Variants in IQGAP2 observed in about 807,000 individuals in gnomAD.
IQGAP2 encodes the protein ras GTPase-activating-like protein IQGAP2.
In IQGAP2, 173 loss-of-function variants were observed where a neutral mutation model predicts 201.3. The observed-to-expected ratio is 0.86, with a 90% CI of 0.76 to 0.98. The LOEUF is 0.98. Ranked by LOEUF, IQGAP2 falls within the 50% of genes least tolerant of loss-of-function variation. IQGAP2 has a pLI of 0.00. For synonymous variants in IQGAP2, 675 were observed against 673.9 expected, an observed-to-expected ratio of 1.00 and a Z score of -0.03; for missense variants, 1,687 against 1,864.8, an observed-to-expected ratio of 0.90 and a Z score of 1.76.
intron 1 of IQGAP2, among the ~76,000 whole-genome samples, chr5:76,429,346 G>A (rs1281911637): frequency 6.6e-6 from 1 of 151,592 alleles, no homozygotes; most frequent in Non-Finnish European, 1.5e-5. Flanking sequence ...GCTGAGGTGG[G>A]CAGATCACGA....
intron 1 of IQGAP2, among the ~76,000 whole-genome samples, chr5:76,440,738 T>C (rs947742690): frequency 2.6e-5 from 4 of 151,948 alleles, no homozygotes; most frequent in African/African-American, 9.7e-5. Context: ...GCCTAGTAAG[T>C]AGTTAAGAGT....
chr5:76,448,975 C>T (rs976100333), intron 1 of IQGAP2, among the ~76,000 whole-genome samples: 1 of 152,146 alleles, frequency 6.6e-6, no homozygotes, highest in African/African-American at 2.4e-5. Flanking sequence ...TTTGAGCTGT[C>T]ACCTGATCTT....
rs888760582 is a variant in IQGAP2 at position 76,652,907 on chromosome 5, C to T, written c.2178+74C>T. On this transcript the variant is annotated intron_variant, in intron 18 of 35. Transcript: ENST00000274364. ...CTCATTTCATGTTTAATCTGAAAGA[C>T]AGCTATAGAAAGGGAGGGTACATGT... The T allele has an allele frequency of 6.0e-6, 6 of 1,000,062 alleles. No individual in the cohort carries two copies. In the African/African-American group the frequency reaches 9.6e-5, roughly 16 times the overall value. The allele number at this position is 1,000,062 out of a possible 1,614,324, so 61.9% of individuals were successfully genotyped here.
chr5:76,471,231 T>C (rs954982220), intron 2 of IQGAP2, among the ~76,000 whole-genome samples: 2 of 152,140 alleles, frequency 1.3e-5, no homozygotes, highest in Non-Finnish European at 2.9e-5. Context: ...TAAATAGTTA[T>C]GAATGGGACT....
intron 2 of IQGAP2, among the ~76,000 whole-genome samples, chr5:76,475,821 T>C (rs1011073870): frequency 1.3e-5 from 2 of 152,158 alleles, no homozygotes; most frequent in African/African-American, 2.4e-5. Context: ...ATCGGCCTTT[T>C]GTGAGTTGAT....
At chr5:76,657,158 A>G (rs1423779562) in intron 20 of IQGAP2, among the ~76,000 whole-genome samples, 1 of 152,224 alleles carries the variant, frequency 6.6e-6, no homozygotes. Flanking sequence ...CTAAAATACT[A>G]ATTTAGTTTT....
intron 30 of IQGAP2, among the ~76,000 whole-genome samples, chr5:76,691,153 G>A (rs1746227383): frequency 6.6e-6 from 1 of 152,204 alleles, no homozygotes; most frequent in African/African-American, 2.4e-5. Context: ...TGGGTTCCCT[G>A]TCATGGGACT....
At chr5:76,488,971 C>G (rs1195320975) in intron 2 of IQGAP2, among the ~76,000 whole-genome samples, 2 of 152,290 alleles carry the variant, frequency 1.3e-5, no homozygotes, top group East Asian at 1.9e-4. Context: ...TGTTGTTCCT[C>G]CCTTCAGGTA....
intron 1 of IQGAP2, among the ~76,000 whole-genome samples, chr5:76,424,912 A>G (rs1395663346): frequency 6.6e-6 from 1 of 152,216 alleles, no homozygotes; most frequent in African/African-American, 2.4e-5. Flanking sequence ...AGAAGGAGGA[A>G]GCATTCTGTG....
At chr5:76,702,826 T>C (rs962587839) in intron 35 of IQGAP2, among the ~76,000 whole-genome samples, 8 of 151,798 alleles carry the variant, frequency 5.3e-5, no homozygotes, top group African/African-American at 1.9e-4. Flanking sequence ...CTAAGCCATG[T>C]TTCCATTTTA....
rs541124886 is a variant in IQGAP2 at position 76,601,551 on chromosome 5, C to T, written c.1232+579C>T. On this transcript the variant is annotated intron_variant, in intron 11 of 35. Transcript: ENST00000274364. ...ATAGCATTGTTATAAAACACTATAG[C>T]GGATCTTGAGAGAAAATCAAATGGC... is the stretch of plus-strand genomic sequence containing the variant. 7.9e-5 allele frequency among the ~76,000 whole-genome samples: 12 copies of T among 152,276 alleles called. No homozygotes were observed. The South Asian group carries it at 2.1e-3, about 26-fold the overall frequency.
At chr5:76,579,706 C>G (rs190534282) in intron 5 of IQGAP2, among the ~76,000 whole-genome samples, 1 of 151,950 alleles carries the variant, frequency 6.6e-6, no homozygotes, top group Non-Finnish European at 1.5e-5. Flanking sequence ...TTTTCATCCC[C>G]TGGGAGACAA....
chr5:76,478,188 C>T (rs1561401266), intron 2 of IQGAP2, among the ~76,000 whole-genome samples: 1 of 152,106 alleles, frequency 6.6e-6, no homozygotes, highest in East Asian at 1.9e-4. Context: ...TCACCTGAGG[C>T]CAAGAGTTTG....
At chr5:76,642,057 T>C (rs1411647696) in intron 17 of IQGAP2, among the ~76,000 whole-genome samples, 1 of 152,204 alleles carries the variant, frequency 6.6e-6, no homozygotes, top group Non-Finnish European at 1.5e-5. Flanking sequence ...AAGAAATTTC[T>C]ACTATAAATC....
Position 76,606,403 on chromosome 5 carries a change from C to T in IQGAP2, c.1357+100C>T, listed in dbSNP as rs1747808682. The stretch of plus-strand genomic sequence containing the variant: ...GGGCTTTAAGTTTTTGCTCAAGGAA[C>T]TTTGTGAGAGCAAACTCCGCTAATA... On this transcript the variant is annotated intron_variant, in intron 12 of 35. Transcript: ENST00000274364. The T allele has an allele frequency of 2.8e-5, 29 of 1,049,352 alleles. 1 individual carries two copies. The South Asian group carries it at 5.9e-4, about 21-fold the overall frequency. The allele number at this position is 1,049,352 out of a possible 1,614,324, so 65.0% of individuals were successfully genotyped here. A position where few individuals can be genotyped will look rare whatever the true frequency, so the allele number is the denominator to read the frequency against.
At chr5:76,671,315 A>G (rs145841242) in intron 23 of IQGAP2, among the ~76,000 whole-genome samples, 265 of 152,326 alleles carry the variant, frequency 1.7e-3, no homozygotes, top group African/African-American at 5.7e-3. Flanking sequence ...TTTAAAGCAC[A>G]CCAACTTAGA....
Position 76,597,666 on chromosome 5 carries a change from G to A in IQGAP2, c.1071+64G>A, listed in dbSNP as rs796441509. 8.4e-6 allele frequency: 13 copies of A among 1,543,626 alleles called. No homozygotes were observed. In the African/African-American group the frequency reaches 1.6e-4, roughly 19 times the overall value. On this transcript the variant is annotated intron_variant, in intron 10 of 35. Transcript: ENST00000274364. ...CTGCGTGCCATGGCGCACTAGGGAA[G>A]CCTAGTTAGGAAAGGGGAATAGGGA...
intron 2 of IQGAP2, among the ~76,000 whole-genome samples, chr5:76,478,535 C>T (rs1755584073): frequency 1.3e-5 from 2 of 152,192 alleles, no homozygotes; most frequent in African/African-American, 4.8e-5. Context: ...GTGATCCGCC[C>T]ACCTTGGCCT....
At chr5:76,626,575 G>A (rs950199164) in intron 13 of IQGAP2, among the ~76,000 whole-genome samples, 2 of 152,040 alleles carry the variant, frequency 1.3e-5, no homozygotes, top group African/African-American at 2.4e-5. Flanking sequence ...CCAGCTATAT[G>A]TCTTGACACA....
Sources: allele counts gnomAD v4.1 joint callset (sites outside exome capture counted in the v4.1 genomes callset), GRCh38; gene constraint gnomAD v4.1.1; transcripts MANE v1.5; gene names NCBI Gene and HGNC (gene_info 2026-07-23, HGNC 2026-07-21).